SYNPR: variants seen among roughly 807,000 people sequenced by gnomAD.
The protein encoded by SYNPR is synaptoporin.
Under a neutral mutation model 32.9 loss-of-function variants are expected in SYNPR, and 23 were observed. The observed-to-expected ratio is 0.70, with a 90% CI of 0.50 to 0.99. SYNPR has a LOEUF of 0.99. SYNPR is among the 50% of genes least tolerant of loss of function. The pLI is 0.00. For synonymous variants in SYNPR, 146 were observed against 135.9 expected (o/e 1.07, Z -0.52); for missense variants, 318 against 349.3 (o/e 0.91, Z 0.71).
intron 4 of SYNPR, among the ~76,000 whole-genome samples, chr3:63,595,388 G>T (rs1300894148): frequency 1.3e-5 from 2 of 151,824 alleles, no homozygotes; most frequent in South Asian, 2.1e-4. Flanking sequence ...GGGGTCTAGA[G>T]CTCACCCAGC....
At chr3:63,544,711 T>A (rs1318047389) in intron 3 of SYNPR, among the ~76,000 whole-genome samples, 1 of 152,126 alleles carries the variant, frequency 6.6e-6, no homozygotes. Context: ...ATCTACTTTC[T>A]AAAAGAGTTT....
At chr3:63,312,052 T>A (rs2086971930) in intron 2 of SYNPR, among the ~76,000 whole-genome samples, 1 of 151,930 alleles carries the variant, frequency 6.6e-6, no homozygotes. Flanking sequence ...TGATCTAAAT[T>A]CCCCTCCATT....
At chr3:63,304,636 G>A (rs1314828215) in intron 2 of SYNPR, among the ~76,000 whole-genome samples, 9 of 151,982 alleles carry the variant, frequency 5.9e-5, no homozygotes, top group African/African-American at 1.7e-4. Flanking sequence ...GACTCATGCA[G>A]AATACTCAAA....
At chr3:63,494,298 C>T (rs1018817373) in intron 3 of SYNPR, among the ~76,000 whole-genome samples, 1 of 149,788 alleles carries the variant, frequency 6.7e-6, no homozygotes, top group Non-Finnish European at 1.5e-5. Flanking sequence ...TTGAGCATGT[C>T]CCCTTAAAAA....
intron 1 of SYNPR, among the ~76,000 whole-genome samples, chr3:63,231,669 C>T (rs565952259): frequency 6.6e-6 from 1 of 152,278 alleles, no homozygotes; most frequent in South Asian, 2.1e-4. Context: ...CAAAAGCAGT[C>T]AGCATCCTTC....
chr3:63,615,738 G>A lies in SYNPR; in HGVS notation c.*257G>A. The A allele has an allele frequency of 2.7e-6, 1 of 368,800 alleles. No individual in the cohort carries two copies. The highest frequency in any genetic ancestry group is 4.8e-6 in the Non-Finnish European group (1 of 207,292). 22.8% of individuals were successfully genotyped at this position (368,800 alleles called of 1,614,324 possible). ...TGTTATATATACAGATACTTTCATG[G>A]TCATTTTGTATGTATGTTAAAGTAG... On this transcript the variant is annotated 3_prime_UTR_variant, in exon 6 of 6. Transcript: ENST00000478300.
At chr3:63,460,327 AT>A (rs1167949772) in intron 2 of SYNPR, among the ~76,000 whole-genome samples, 1 of 151,978 alleles carries the variant, frequency 6.6e-6, no homozygotes, top group African/African-American at 2.4e-5. Flanking sequence ...GAGTCTTTAC[AT>A]GTACCGTAAT....
At chr3:63,255,735 T>C (rs2086376501) in intron 2 of SYNPR, among the ~76,000 whole-genome samples, 3 of 152,188 alleles carry the variant, frequency 2.0e-5, no homozygotes, top group East Asian at 1.9e-4. Context: ...CAATGGGAAG[T>C]GTCAGACAGT....
chr3:63,505,455 G>A (rs978594704), intron 3 of SYNPR, among the ~76,000 whole-genome samples: 2 of 152,120 alleles, frequency 1.3e-5, no homozygotes, highest in East Asian at 1.9e-4. Flanking sequence ...AGAAGCTTGA[G>A]TCAGACAAGC....
rs72889243 is a variant in SYNPR at position 63,588,874 on chromosome 3, G to A, written c.409-20251G>A. Among the ~76,000 whole-genome samples the A allele has an allele frequency of 3.5e-3, 533 of 152,138 alleles. 4 individuals carry two copies. The highest frequency in any genetic ancestry group is 0.012 in the African/African-American group (505 of 41,530). ...CACTCAAGCTTATCTTTCTAAGAGG[G>A]ATAGGGTTGCAGGTGGGGAAGTATA... On this transcript the variant is annotated intron_variant, in intron 4 of 5. Coordinates refer to ENST00000478300, the MANE Select transcript of SYNPR (RefSeq NM_001130003.2).
At chr3:63,240,067 A>G (rs1190264670) in intron 1 of SYNPR, among the ~76,000 whole-genome samples, 1 of 152,090 alleles carries the variant, frequency 6.6e-6, no homozygotes, top group East Asian at 1.9e-4. Context: ...AGGTTATTTG[A>G]TCTACTGCAT....
chr3:63,342,208 C>A (rs1298202504), intron 2 of SYNPR, among the ~76,000 whole-genome samples: 1 of 152,172 alleles, frequency 6.6e-6, no homozygotes, highest in Admixed American at 6.5e-5. Context: ...ATATTCTGTT[C>A]CATTTATCTG....
chr3:63,226,696 G>C (rs140815597), upstream of SYNPR, among the ~76,000 whole-genome samples: 1 of 152,222 alleles, frequency 6.6e-6, no homozygotes, highest in Admixed American at 6.5e-5. Context: ...ACCAGAGTTG[G>C]GGAATGCTGG....
intron 4 of SYNPR, among the ~76,000 whole-genome samples, chr3:63,595,740 TATA>T (rs1699929239): frequency 2.2e-5 from 1 of 45,412 alleles, no homozygotes; most frequent in Non-Finnish European, 3.2e-5. Context: ...TATATATATA[TATA>T]TATATATATA....
At chr3:63,570,958 A>T (rs891219605) in intron 4 of SYNPR, among the ~76,000 whole-genome samples, 1 of 152,232 alleles carries the variant, frequency 6.6e-6, no homozygotes, top group African/African-American at 2.4e-5. Flanking sequence ...AGGGAAACAT[A>T]GAAACATATA....
chr3:63,282,251 G>A (rs1306835443), intron 2 of SYNPR, among the ~76,000 whole-genome samples: 2 of 152,032 alleles, frequency 1.3e-5, no homozygotes, highest in African/African-American at 4.8e-5. Context: ...TAAAAGACAT[G>A]TTCTCATGTT....
At chr3:63,385,051 C>T (rs1032049224) in intron 2 of SYNPR, among the ~76,000 whole-genome samples, 4 of 152,156 alleles carry the variant, frequency 2.6e-5, no homozygotes, top group Admixed American at 2.6e-4. Flanking sequence ...TGACCTAATA[C>T]AAACTATGCT....
chr3:63,556,919 G>C (rs1454667230), intron 4 of SYNPR, among the ~76,000 whole-genome samples, 178 bp downstream of exon 4: 2 of 152,062 alleles, frequency 1.3e-5, no homozygotes, highest in Non-Finnish European at 2.9e-5. Context: ...AATCTCTTGT[G>C]CTCCTGGGCT....
At chr3:63,507,494 A>C (rs1452687967) in intron 3 of SYNPR, among the ~76,000 whole-genome samples, 1 of 152,136 alleles carries the variant, frequency 6.6e-6, no homozygotes, top group Non-Finnish European at 1.5e-5. Context: ...AGTGTTTATC[A>C]GAAGTGCCAC....
Sources: gnomAD v4.1 joint callset for allele counts (sites outside exome capture counted in the v4.1 genomes callset) on GRCh38, gnomAD v4.1.1 for gene constraint, MANE v1.5 for transcripts, NCBI Gene and HGNC (gene_info 2026-07-23, HGNC 2026-07-21) for gene names.